The following CHST15 variants were observed in gnomAD, a reference collection of about 807,000 sequenced individuals.
The protein encoded by CHST15 is B cell RAG associated protein (GALNAC4S-6ST).
Under a neutral mutation model 53.6 loss-of-function variants are expected in CHST15, and 30 were observed. The observed-to-expected ratio is 0.56, with a 90% CI of 0.42 to 0.76. The LOEUF is 0.76. CHST15 is among the 30% of genes least tolerant of loss of function. The pLI, the probability that CHST15 is intolerant of heterozygous loss-of-function variation, is 0.00. For missense variants in CHST15, 627 were observed against 740.5 expected (o/e 0.85, Z 1.78); for synonymous variants, 296 against 289.8 (o/e 1.02, Z -0.22).
At position 124,074,926 on chromosome 10, in the gene CHST15, G is replaced by A. The variant is rs1949024708; in HGVS notation, c.-513+18543C>T. ...CAAGACAGACAGGCTCCCAGCCCCC[G>A]CGGAGTTAATGATGTTTTGCAGGGA... On this transcript the variant is annotated intron_variant, in intron 1 of 7. Coordinates refer to ENST00000435907, the MANE Select transcript of CHST15 (RefSeq NM_001270764.2). The surrounding 1 kb of genome is among the most constrained non-coding windows in gnomAD (Gnocchi z 4.4). Among the ~76,000 whole-genome samples the A allele has an allele frequency of 6.6e-6, 1 of 152,150 alleles. No individual in the cohort carries two copies. The highest frequency in any genetic ancestry group is 1.5e-5 in the Non-Finnish European group (1 of 68,030).
Position 124,019,027 on chromosome 10 carries a change from C to A in CHST15, c.1347+2229G>T, listed in dbSNP as rs1392647489. On this transcript the variant is annotated intron_variant, in intron 6 of 7. Coordinates refer to ENST00000435907, the MANE Select transcript of CHST15 (RefSeq NM_001270764.2). The surrounding 1 kb of genome is among the most constrained non-coding windows in gnomAD (Gnocchi z 4.6). ...GACCCATAATAGCCCTGGCTCTGAG[C>A]TGCTGCTATTACTGTTTATGCCAGG... 6.6e-6 allele frequency among the ~76,000 whole-genome samples: 1 copy of A among 152,168 alleles called. No homozygotes were observed.
intron 7 of CHST15, among the ~76,000 whole-genome samples, chr10:124,011,988 G>A (rs983117439): frequency 3.3e-5 from 5 of 152,132 alleles, no homozygotes; most frequent in Admixed American, 6.5e-5. Flanking sequence ...CAAACCATCA[G>A]CACATACCTT....
intron 5 of CHST15, among the ~76,000 whole-genome samples, chr10:124,033,420 C>G (rs1947303017): frequency 6.6e-6 from 1 of 152,224 alleles, no homozygotes; most frequent in African/African-American, 2.4e-5. Context: ...GGATCAGGTG[C>G]AGAACGGGAG....
rs1276482917 is a variant in CHST15, at chr10:124,074,052, A to G, written c.-513+19417T>C. Among the ~76,000 whole-genome samples, 5 of 152,140 alleles carry G rather than the reference A, an allele frequency of 3.3e-5. No individual in the cohort carries two copies. The highest frequency in any genetic ancestry group is 1.2e-4 in the African/African-American group (5 of 41,424). On this transcript the variant is annotated intron_variant, in intron 1 of 7. Transcript: ENST00000435907. This position sits in a 1 kb window ranked among gnomAD's most constrained non-coding sequence, Gnocchi z 4.4. ...GTCTCAAATGGGGGCTTTAAAAGAG[A>G]TATTTTCCACATAGTCTTTTTAGCC...
intron 1 of CHST15, among the ~76,000 whole-genome samples, chr10:124,075,615 A>ACC (rs1045791678): frequency 1.1e-4 from 16 of 151,378 alleles, no homozygotes; most frequent in Admixed American, 5.3e-4. Flanking sequence ...CACAGCATCC[A>ACC]CCCCCTACAC....
rs1946740894 is a variant in CHST15, at chr10:124,020,577, C to T, written c.1347+679G>A. 21 of 985,604 alleles carry T rather than the reference C, an allele frequency of 2.1e-5. No homozygotes were observed. In the South Asian group the frequency reaches 2.8e-4, roughly 13 times the overall value. The allele number at this position is 985,604 out of a possible 1,614,324, so 61.1% of individuals were successfully genotyped here. ...GCAGGCCTGTTGGTGCCTTGCTATG[C>T]GAGACGCTGAGCAGAGCAAGGCTTG... On this transcript the variant is annotated intron_variant, in intron 6 of 7. Transcript: ENST00000435907.
chr10:124,032,419 C>G (rs917478658), intron 5 of CHST15, among the ~76,000 whole-genome samples: 2 of 152,112 alleles, frequency 1.3e-5, no homozygotes, highest in African/African-American at 2.4e-5. Flanking sequence ...TCCAAATGTC[C>G]CTTGAATAAA....
At chr10:124,063,759 G>A (rs370386113) in intron 1 of CHST15, among the ~76,000 whole-genome samples, 2 of 152,132 alleles carry the variant, frequency 1.3e-5, no homozygotes, top group Admixed American at 6.5e-5. Context: ...GGAGCACAGC[G>A]AAGACCTTGC....
chr10:124,048,912 C>T (rs981467511), intron 1 of CHST15, among the ~76,000 whole-genome samples: 26 of 152,124 alleles, frequency 1.7e-4, no homozygotes, highest in African/African-American at 6.0e-4. Context: ...CATGAGCAGC[C>T]GACAGTCTCA....
intron 1 of CHST15, among the ~76,000 whole-genome samples, chr10:124,055,728 C>T (rs1375043052): frequency 6.6e-6 from 1 of 152,222 alleles, no homozygotes; most frequent in Non-Finnish European, 1.5e-5. Flanking sequence ...AATGACCATG[C>T]TCATCCAGAA....
At chr10:124,079,857 G>A (rs906463997) in intron 1 of CHST15, among the ~76,000 whole-genome samples, 5 of 152,184 alleles carry the variant, frequency 3.3e-5, no homozygotes, top group African/African-American at 1.2e-4. Flanking sequence ...AAGGGTTCCC[G>A]CTCCAGGACC....
intron 1 of CHST15, among the ~76,000 whole-genome samples, chr10:124,073,559 G>A (rs1051406793): frequency 6.6e-6 from 1 of 152,150 alleles, no homozygotes; most frequent in Non-Finnish European, 1.5e-5. Flanking sequence ...AATGCATGAA[G>A]GTTATACTCC....
At chr10:124,041,987 G>A (rs1336183120) in intron 4 of CHST15, among the ~76,000 whole-genome samples, 1 of 152,184 alleles carries the variant, frequency 6.6e-6, no homozygotes, top group East Asian at 1.9e-4. Flanking sequence ...CAGTACATCA[G>A]GAAAAGAAGT....
intron 6 of CHST15, among the ~76,000 whole-genome samples, chr10:124,013,040 C>T (rs1350052156): frequency 2.6e-5 from 4 of 152,202 alleles, no homozygotes; most frequent in Non-Finnish European, 4.4e-5. Flanking sequence ...TTTCCAGTAC[C>T]CATTTCCCGG....
At chr10:124,053,209 G>A (rs1423216659) in intron 1 of CHST15, among the ~76,000 whole-genome samples, 1 of 152,154 alleles carries the variant, frequency 6.6e-6, no homozygotes, top group Non-Finnish European at 1.5e-5. Flanking sequence ...CACTTTGGAG[G>A]GCCTTCAGCT....
Position 124,036,965 on chromosome 10 carries a change from A to G in CHST15, c.1190+1550T>C, listed in dbSNP as rs1947519910. 6.6e-6 allele frequency among the ~76,000 whole-genome samples: 1 copy of G among 152,110 alleles called. No homozygotes were observed. The highest frequency in any genetic ancestry group is 6.6e-5 in the Admixed American group (1 of 15,262). On this transcript the variant is annotated intron_variant, in intron 5 of 7. Coordinates refer to ENST00000435907, the MANE Select transcript of CHST15 (RefSeq NM_001270764.2). This position sits in a 1 kb window ranked among gnomAD's most constrained non-coding sequence, Gnocchi z 5.1. ...CTTCCCTCAGTGTCCTGGAAGCTGG[A>G]GTCTGAAACCCAGGTGTGGGGCAGA...
At chr10:124,070,347 C>T (rs1443969520) in intron 1 of CHST15, among the ~76,000 whole-genome samples, 1 of 152,094 alleles carries the variant, frequency 6.6e-6, no homozygotes, top group Non-Finnish European at 1.5e-5. Flanking sequence ...GGGGCATCCT[C>T]CAAATGAACC....
intron 1 of CHST15, among the ~76,000 whole-genome samples, chr10:124,054,151 C>T (rs1948297891): frequency 1.3e-5 from 2 of 152,194 alleles, no homozygotes; most frequent in Non-Finnish European, 2.9e-5. Context: ...TGCTTCCTTC[C>T]TCTCCCTGAG....
intron 1 of CHST15, among the ~76,000 whole-genome samples, chr10:124,058,166 G>C (rs1434307772): frequency 1.3e-5 from 2 of 152,024 alleles, no homozygotes; most frequent in African/African-American, 4.8e-5. Context: ...TTTCCAATAA[G>C]GCAGAGGCCA....
Sources: allele counts gnomAD v4.1 joint callset (sites outside exome capture counted in the v4.1 genomes callset), GRCh38; gene constraint gnomAD v4.1.1; non-coding constraint Gnocchi (gnomAD v3.1); transcripts MANE v1.5; gene names NCBI Gene and HGNC (gene_info 2026-07-23, HGNC 2026-07-21).